Variants in MCF2 observed in about 807,000 individuals in gnomAD.
MCF2 encodes the protein MCF.2 cell line derived transforming sequence.
MCF2 carries 44 observed loss-of-function variants against 82.5 expected under a neutral mutation model. The observed-to-expected ratio is 0.53, with a 90% CI of 0.42 to 0.69. MCF2 has a LOEUF of 0.69. Among genes scored for constraint, MCF2 ranks in the 30% least tolerant of loss-of-function variants. The probability of loss-of-function intolerance (pLI) is 0.00; values close to 1 mark genes in which losing one functional copy is unlikely to be tolerated. For missense variants in MCF2, 623 were observed against 663.1 expected, an observed-to-expected ratio of 0.94 and a Z score of 0.66; for synonymous variants, 217 against 224.9, an observed-to-expected ratio of 0.96 and a Z score of 0.32.
chrX:139,583,025 C>A (rs1193329458), intron 24 of MCF2, among the ~76,000 whole-genome samples: 4 of 111,706 alleles, frequency 3.6e-5, no homozygotes, highest in African/African-American at 1.3e-4. Flanking sequence ...AAGGGGTCTG[C>A]AAGGTCAACC....
intron 1 of MCF2, among the ~76,000 whole-genome samples, chrX:139,660,467 C>T (rs1934326502): frequency 8.9e-6 from 1 of 112,194 alleles, no homozygotes; most frequent in Admixed American, 9.5e-5. Flanking sequence ...TTGTTTGAGT[C>T]CTAAATCCTG....
chrX:139,631,363 T>C (rs1243757172), intron 3 of MCF2, 32 bp downstream of exon 6: 2 of 849,864 alleles, frequency 2.4e-6, no homozygotes, highest in Non-Finnish European at 3.5e-6. Context: ...TGAAGAACTA[T>C]AGGCTCTACA....
chrX:139,583,204 CT>C (rs2148377438), intron 24 of MCF2, among the ~76,000 whole-genome samples: 1 of 111,960 alleles, frequency 8.9e-6, no homozygotes, highest in South Asian at 3.7e-4. Context: ...AAAAGTATTT[CT>C]TTTGTAAGTA....
At chrX:139,670,581 T>C (rs1368966299) in intron 1 of MCF2, among the ~76,000 whole-genome samples, 1 of 110,735 alleles carries the variant, frequency 9.0e-6, no homozygotes, top group Non-Finnish European at 1.9e-5. Flanking sequence ...TCTGTCCTTG[T>C]GATAGTTTAC....
At chrX:139,586,017 G>A (rs1382644247) in intron 23 of MCF2, among the ~76,000 whole-genome samples, 2 of 111,746 alleles carry the variant, frequency 1.8e-5, no homozygotes, top group Non-Finnish European at 3.8e-5. Flanking sequence ...CTTTATAGCA[G>A]GGGTTCCCAA....
intron 7 of MCF2, 43 bp downstream of exon 10, chrX:139,619,544 A>G (rs775867367): frequency 9.8e-7 from 1 of 1,021,454 alleles, no homozygotes; most frequent in African/African-American, 1.9e-5. Flanking sequence ...AAACATGACT[A>G]TTATACTGTA....
At chrX:139,690,229 T>C (rs769261692) in intron 1 of MCF2, among the ~76,000 whole-genome samples, 169 of 110,000 alleles carry the variant, frequency 1.5e-3, no homozygotes, top group African/African-American at 5.4e-3. Flanking sequence ...AGATGACACA[T>C]CACACAACTC....
chrX:139,591,359 TTTG>T (rs1929500779), intron 19 of MCF2, among the ~76,000 whole-genome samples: 1 of 111,766 alleles, frequency 8.9e-6, no homozygotes, highest in Non-Finnish European at 1.9e-5. Context: ...TTGCAATTGT[TTTG>T]TTATTTTTTT....
chrX:139,621,824 G>C (rs750275378), intron 6 of MCF2, among the ~76,000 whole-genome samples: 2 of 111,326 alleles, frequency 1.8e-5, no homozygotes, highest in Non-Finnish European at 3.8e-5. Context: ...CATGGGCAAG[G>C]ACTTCATGTC....
At chrX:139,604,832 T>A (rs1930854392) in intron 14 of MCF2, 37 bp downstream of exon 18, 1 of 1,072,420 alleles carries the variant, frequency 9.3e-7, no homozygotes, top group Admixed American at 2.4e-5. Flanking sequence ...TTAAATAGTT[T>A]TATAAAAAAT....
chrX:139,624,964 C>T (rs774874568), intron 6 of MCF2, among the ~76,000 whole-genome samples: 7 of 110,733 alleles, frequency 6.3e-5, no homozygotes, highest in Non-Finnish European at 1.3e-4. Context: ...AATAATAGAG[C>T]AAATGGAGTA....
At chrX:139,678,886 T>C (rs1934936185) in intron 1 of MCF2, among the ~76,000 whole-genome samples, 1 of 112,654 alleles carries the variant, frequency 8.9e-6, no homozygotes, top group Non-Finnish European at 1.9e-5. Flanking sequence ...GATTTTGCTC[T>C]TATCACAGGT....
intron 4 of MCF2, among the ~76,000 whole-genome samples, chrX:139,627,096 T>C (rs754871479): frequency 1.8e-5 from 2 of 111,855 alleles, no homozygotes; most frequent in Admixed American, 1.9e-4. Flanking sequence ...GCTAATATTT[T>C]ATTTTTATTT....
intron 1 of MCF2, among the ~76,000 whole-genome samples, chrX:139,683,472 A>G (rs775933272): frequency 8.9e-6 from 1 of 112,398 alleles, no homozygotes; most frequent in South Asian, 3.7e-4. Context: ...TTGCACAGAA[A>G]TTTTCAAGCT....
intron 4 of MCF2, among the ~76,000 whole-genome samples, chrX:139,627,023 G>GTGCT (rs982744006): frequency 6.2e-5 from 7 of 112,093 alleles, no homozygotes; most frequent in Non-Finnish European, 1.3e-4. Flanking sequence ...GAAGTACCAT[G>GTGCT]TGCTCTATTT....
At chrX:139,693,483 AACACACACAC>A (rs67506907) in intron 1 of MCF2, among the ~76,000 whole-genome samples, 36 of 98,428 alleles carry the variant, frequency 3.7e-4, no homozygotes, top group African/African-American at 1.3e-3. Context: ...GTAGGGGAGG[AACACACACAC>A]ACACACACAC....
At chrX:139,699,958 ATTG>A (rs1387308886) in intron 1 of MCF2, among the ~76,000 whole-genome samples, 1 of 111,737 alleles carries the variant, frequency 8.9e-6, no homozygotes, top group Non-Finnish European at 1.9e-5. Context: ...AAGGCCTCTT[ATTG>A]TTGTTGAAAT....
At chrX:139,648,118 C>T (rs1349646988) in intron 2 of MCF2, among the ~76,000 whole-genome samples, 5 of 111,407 alleles carry the variant, frequency 4.5e-5, no homozygotes, top group African/African-American at 1.6e-4. Context: ...ATGCCTGTAA[C>T]CCCAGCACTT....
exon 4 of MCF2, chrX:139,629,754 C>T (rs757003647): frequency 8.3e-7 from 1 of 1,206,289 alleles, no homozygotes; most frequent in South Asian, 1.8e-5. Context: ...GAGGGAATAT[C>T]ATCTGGTAGT....
Sources: allele counts gnomAD v4.1 joint callset (sites outside exome capture counted in the v4.1 genomes callset), GRCh38; gene constraint gnomAD v4.1.1; transcripts MANE v1.5; gene names NCBI Gene and HGNC (gene_info 2026-07-23, HGNC 2026-07-21).